ARMC2: variants seen among roughly 807,000 people sequenced by gnomAD.
The protein encoded by ARMC2 is armadillo repeat containing 2.
Under a neutral mutation model 90.3 loss-of-function variants are expected in ARMC2, and 67 were observed. The ratio of observed to expected loss-of-function variants is 0.74; its 90% CI spans 0.61 to 0.91. The LOEUF (loss-of-function observed/expected upper bound fraction) is 0.91, where lower values mean the gene tolerates loss of function less well. ARMC2 is among the 40% of genes least tolerant of loss of function. The pLI is 0.00. For missense variants in ARMC2, 920 were observed against 1,030.9 expected (o/e 0.89, Z 1.47); for synonymous variants, 393 against 393.0 (o/e 1.00, Z 0.00).
At chr6:108,869,275 A>T (rs976809075) in intron 4 of ARMC2, among the ~76,000 whole-genome samples, 1 of 152,232 alleles carries the variant, frequency 6.6e-6, no homozygotes, top group East Asian at 1.9e-4. Context: ...TGGGAGGCCA[A>T]AGCGGCCAGA....
chr6:108,975,322 A>G (rs1241232852), downstream of ARMC2, among the ~76,000 whole-genome samples: 1 of 152,202 alleles, frequency 6.6e-6, no homozygotes, highest in Non-Finnish European at 1.5e-5. Flanking sequence ...ATGTCCCTGC[A>G]AAGGACATGA....
At chr6:108,935,531 T>G (rs1775887482) in intron 11 of ARMC2, among the ~76,000 whole-genome samples, 1 of 152,148 alleles carries the variant, frequency 6.6e-6, no homozygotes, top group Admixed American at 6.6e-5. Flanking sequence ...AACCTTCGCC[T>G]CCCAGGTTCA....
At chr6:108,894,569 C>A in intron 6 of ARMC2, 26 bp downstream of exon 6, 1 of 1,559,726 alleles carries the variant, frequency 6.4e-7, no homozygotes, top group Non-Finnish European at 8.7e-7. Context: ...ACTCCTTCAT[C>A]TACAGCATCT....
At chr6:108,974,879 A>G (rs1363185951), downstream of ARMC2, among the ~76,000 whole-genome samples, 5 of 152,072 alleles carry the variant, frequency 3.3e-5, no homozygotes, top group Non-Finnish European at 7.4e-5. Context: ...GTTCGAGACC[A>G]GTTTGGCCAA....
At chr6:108,877,163 T>C (rs780918698) in intron 5 of ARMC2, among the ~76,000 whole-genome samples, 4 of 152,252 alleles carry the variant, frequency 2.6e-5, no homozygotes, top group African/African-American at 4.8e-5. Context: ...GGACTTTCCA[T>C]TGGGTCATCA....
the ARMC2 span, chr6:108,994,542 T>G: frequency 6.2e-7 from 1 of 1,613,736 alleles, no homozygotes; most frequent in Non-Finnish European, 8.5e-7. Flanking sequence ...CTCTTCTTCA[T>G]CTCGACATTC....
chr6:109,043,422 A>G, the ARMC2 span, among the ~76,000 whole-genome samples: 1 of 152,174 alleles, frequency 6.6e-6, no homozygotes, highest in South Asian at 2.1e-4. Context: ...GGAATAAATA[A>G]CAACTGTCCC....
the ARMC2 span, among the ~76,000 whole-genome samples, chr6:109,042,026 A>G: frequency 6.6e-6 from 1 of 152,162 alleles, no homozygotes; most frequent in African/African-American, 2.4e-5. Context: ...AAATCACACT[A>G]GAAGTAAATA....
chr6:108,849,259 A>T (rs1773759522), intron 1 of ARMC2, among the ~76,000 whole-genome samples: 1 of 152,222 alleles, frequency 6.6e-6, no homozygotes, highest in Non-Finnish European at 1.5e-5. Context: ...AATTTGGTTG[A>T]AAAGCAAGCA....
At chr6:108,861,188 G>T (rs1364364064) in intron 3 of ARMC2, among the ~76,000 whole-genome samples, 1 of 152,194 alleles carries the variant, frequency 6.6e-6, no homozygotes, top group Non-Finnish European at 1.5e-5. Context: ...AAAAGTACTT[G>T]GTGATACCAG....
chr6:108,866,046 C>G (rs1450949884), intron 3 of ARMC2, among the ~76,000 whole-genome samples: 3 of 148,380 alleles, frequency 2.0e-5, no homozygotes, highest in Non-Finnish European at 4.5e-5. Flanking sequence ...AAAGATCTCT[C>G]ATTTAGTACA....
rs1583113530 is a variant in ARMC2 at position 108,918,807 on chromosome 6, C to T, written c.1350+6249C>T. Among the ~76,000 whole-genome samples, 4 of 152,266 alleles carry T rather than the reference C, an allele frequency of 2.6e-5. No individual in the cohort carries two copies. In the East Asian group the frequency reaches 5.8e-4, roughly 22 times the overall value. ...AAATGAGATCGTCTAGTAAAGCGCC[C>T]ATAACAGGGCAAGGCACATAGTAGG... is the stretch of plus-strand genomic sequence containing the variant. On this transcript the variant is annotated intron_variant, in intron 10 of 17. Transcript: ENST00000392644.
chr6:108,917,588 G>A (rs556220219), intron 10 of ARMC2, among the ~76,000 whole-genome samples: 2 of 152,246 alleles, frequency 1.3e-5, no homozygotes, highest in South Asian at 4.1e-4. Flanking sequence ...TTGGTGAGAG[G>A]AGGAAAGAAA....
At chr6:109,038,826 T>A in the ARMC2 span, among the ~76,000 whole-genome samples, 7 of 149,778 alleles carry the variant, frequency 4.7e-5, no homozygotes, top group Non-Finnish European at 7.4e-5. Context: ...CTGACGGCAA[T>A]TGGGGCAGAA....
chr6:108,887,132 G>A (rs1417012695), intron 5 of ARMC2, among the ~76,000 whole-genome samples: 1 of 152,104 alleles, frequency 6.6e-6, no homozygotes, highest in Non-Finnish European at 1.5e-5. Flanking sequence ...GGCTGGTCTT[G>A]AACTCCTGAC....
At chr6:108,991,924 C>G in the ARMC2 span, among the ~76,000 whole-genome samples, 1 of 152,176 alleles carries the variant, frequency 6.6e-6, no homozygotes, top group Non-Finnish European at 1.5e-5. Flanking sequence ...TATCCCTCAA[C>G]CTAAGCTTAA....
chr6:108,937,120 G>T, intron 12 of ARMC2, 121 bp downstream of exon 12: 1 of 861,522 alleles, frequency 1.2e-6, no homozygotes, highest in South Asian at 1.9e-5. Flanking sequence ...TCCATTAAAT[G>T]TATAATGGGC....
At chr6:108,881,347 C>T (rs552421227) in intron 5 of ARMC2, among the ~76,000 whole-genome samples, 3 of 61,466 alleles carry the variant, frequency 4.9e-5, no homozygotes, top group Admixed American at 2.5e-4. Context: ...CCAACAGGGA[C>T]GGTTTATGGT....
intron 17 of ARMC2, among the ~76,000 whole-genome samples, chr6:108,970,956 C>G (rs1412851125): frequency 6.6e-6 from 1 of 152,128 alleles, no homozygotes; most frequent in Non-Finnish European, 1.5e-5. Flanking sequence ...GGCGCTGTGG[C>G]TCACACCTGT....
Sources: gnomAD v4.1 joint callset for allele counts (sites outside exome capture counted in the v4.1 genomes callset) on GRCh38, gnomAD v4.1.1 for gene constraint, MANE v1.5 for transcripts, NCBI Gene and HGNC (gene_info 2026-07-23, HGNC 2026-07-21) for gene names.